BRD10: variants seen among roughly 807,000 people sequenced by gnomAD.
BRD10 encodes uncharacterized bromodomain-containing protein 10.
the BRD10 span, among the ~76,000 whole-genome samples, chr9:5,917,520 AT>A: frequency 1.3e-5 from 2 of 152,194 alleles, no homozygotes; most frequent in African/African-American, 4.8e-5. Context: ...TCATATTAGA[AT>A]TTTGGATTTA....
chr9:5,952,044 C>CA, the BRD10 span, among the ~76,000 whole-genome samples: 1 of 110,888 alleles, frequency 9.0e-6, no homozygotes, highest in Non-Finnish European at 2.0e-5. Context: ...TATTTAGAGA[C>CA]AGAGTTTCCC....
chr9:5,988,174 G>C, the BRD10 span, among the ~76,000 whole-genome samples: 26 of 152,020 alleles, frequency 1.7e-4, no homozygotes, highest in Non-Finnish European at 3.1e-4. Context: ...AAGATAAGTG[G>C]TTTTAAATTT....
chr9:5,993,620 G>C, the BRD10 span, among the ~76,000 whole-genome samples: 17 of 152,176 alleles, frequency 1.1e-4, no homozygotes, highest in Non-Finnish European at 1.9e-4. Flanking sequence ...AGCGGTGACT[G>C]TAGGAGAAGG....
At chr9:5,978,818 AC>A in the BRD10 span, among the ~76,000 whole-genome samples, 1 of 152,110 alleles carries the variant, frequency 6.6e-6, no homozygotes, top group Non-Finnish European at 1.5e-5. Context: ...CAAAAAATAA[AC>A]CCTCTCACTC....
At chr9:6,008,163 A>C in the BRD10 span, 1 of 970,528 alleles carries the variant, frequency 1.0e-6, no homozygotes, top group Non-Finnish European at 1.2e-6. Flanking sequence ...CTCCCGGGCC[A>C]GCGGGGGGCT....
At chr9:5,930,728 CTCTT>C in the BRD10 span, among the ~76,000 whole-genome samples, 1 of 152,036 alleles carries the variant, frequency 6.6e-6, no homozygotes, top group African/African-American at 2.4e-5. Context: ...CTAGATAGGC[CTCTT>C]TCTTGTTAAA....
the BRD10 span, among the ~76,000 whole-genome samples, chr9:6,002,029 T>C: frequency 2.0e-5 from 3 of 152,336 alleles, no homozygotes; most frequent in Admixed American, 6.5e-5. Context: ...AATCATGATA[T>C]AATTAAAAAC....
chr9:5,893,164 A>C, the BRD10 span, among the ~76,000 whole-genome samples: 13 of 152,354 alleles, frequency 8.5e-5, no homozygotes, highest in African/African-American at 1.9e-4. Context: ...AAAAACTCAC[A>C]ACTTAGTGGG....
chr9:5,900,925 C>T, the BRD10 span, among the ~76,000 whole-genome samples: 2 of 151,778 alleles, frequency 1.3e-5, no homozygotes, highest in Non-Finnish European at 2.9e-5. Context: ...TGTCAGGGCA[C>T]TGTGTTTTTC....
At chr9:5,947,072 T>C in the BRD10 span, among the ~76,000 whole-genome samples, 1 of 152,132 alleles carries the variant, frequency 6.6e-6, no homozygotes, top group Non-Finnish European at 1.5e-5. Flanking sequence ...ATATTTATGT[T>C]CCATTTAAAG....
At chr9:5,933,149 T>C in the BRD10 span, among the ~76,000 whole-genome samples, 1 of 152,220 alleles carries the variant, frequency 6.6e-6, no homozygotes, top group South Asian at 2.1e-4. Flanking sequence ...AATAAAAATA[T>C]ATTTAATAAG....
At chr9:5,994,127 TGAA>T in the BRD10 span, among the ~76,000 whole-genome samples, 1 of 152,144 alleles carries the variant, frequency 6.6e-6, no homozygotes, top group Non-Finnish European at 1.5e-5. Context: ...TCAAAACTAA[TGAA>T]GTATCACAAT....
chr9:5,942,223 T>G, the BRD10 span, among the ~76,000 whole-genome samples: 2 of 151,378 alleles, frequency 1.3e-5, no homozygotes, highest in Non-Finnish European at 2.9e-5. Context: ...ATAACAATAT[T>G]GTTATTCATA....
At chr9:5,966,072 A>T in the BRD10 span, among the ~76,000 whole-genome samples, 1 of 152,240 alleles carries the variant, frequency 6.6e-6, no homozygotes, top group African/African-American at 2.4e-5. Flanking sequence ...TTGTCACTTA[A>T]GATCTGACTT....
the BRD10 span, among the ~76,000 whole-genome samples, chr9:5,973,823 A>T: frequency 6.6e-6 from 1 of 152,218 alleles, no homozygotes; most frequent in African/African-American, 2.4e-5. Flanking sequence ...TCAAGGTTGC[A>T]GTGAGCTGTG....
chr9:5,882,266 A>T, the BRD10 span, among the ~76,000 whole-genome samples: 1 of 152,118 alleles, frequency 6.6e-6, no homozygotes, highest in South Asian at 2.1e-4. Context: ...AGCAATCTAG[A>T]TTCTTCCTGA....
At chr9:5,968,586 G>T in the BRD10 span, 1 of 1,613,838 alleles carries the variant, frequency 6.2e-7, no homozygotes, top group South Asian at 1.1e-5. Context: ...ATTTTAGCAG[G>T]ACAGCAAGCT....
chr9:5,906,174 GATC>G, the BRD10 span, among the ~76,000 whole-genome samples: 10 of 147,204 alleles, frequency 6.8e-5, no homozygotes, highest in Non-Finnish European at 1.3e-4. Flanking sequence ...AACTTAGCAA[GATC>G]ATGTCTCTTA....
At chr9:5,929,559 G>A in the BRD10 span, among the ~76,000 whole-genome samples, 4 of 152,020 alleles carry the variant, frequency 2.6e-5, no homozygotes, top group Non-Finnish European at 1.5e-5. Flanking sequence ...AGGGAGAAAA[G>A]GTAGGTTTGT....
Sources: allele counts gnomAD v4.1 joint callset (sites outside exome capture counted in the v4.1 genomes callset), GRCh38; gene constraint gnomAD v4.1.1; transcripts MANE v1.5; gene names NCBI Gene and HGNC (gene_info 2026-07-23, HGNC 2026-07-21).